Variants in PCDHGA1 observed in about 807,000 individuals in gnomAD.
The protein encoded by PCDHGA1 is protocadherin gamma subfamily A, 1.
Under a neutral mutation model 58.0 loss-of-function variants are expected in PCDHGA1, and 32 were observed. The observed-to-expected ratio is 0.55, with a 90% CI of 0.42 to 0.74. The LOEUF (loss-of-function observed/expected upper bound fraction) is 0.74, where lower values mean the gene tolerates loss of function less well. Ranked by LOEUF, PCDHGA1 falls within the 30% of genes least tolerant of loss-of-function variation. The probability of loss-of-function intolerance (pLI) is 0.00; values close to 1 mark genes in which losing one functional copy is unlikely to be tolerated. For synonymous variants in PCDHGA1, 498 were observed against 501.1 expected (o/e 0.99, Z 0.08); for missense variants, 1,205 against 1,182.3 (o/e 1.02, Z -0.28).
In PCDHGA1 at chr5:141,487,218, C is replaced by G. The variant is rs2099641338; in HGVS notation, c.2422-7589C>G. The stretch of plus-strand genomic sequence containing the variant: ...CCAGATCTTCGAGAATCTTCAGCTC[C>G]AAGGGAAGGAGAATCTCGTCTAACC... On this transcript the variant is annotated intron_variant, in intron 1 of 3. Transcript: ENST00000517417. The surrounding 1 kb of genome is among the most constrained non-coding windows in gnomAD (Gnocchi z 5.0). 1 of 1,613,820 alleles carries G rather than the reference C, an allele frequency of 6.2e-7. No homozygotes were observed. The highest frequency in any genetic ancestry group is 1.1e-5 in the South Asian group (1 of 91,078).
chr5:141,496,795 T>C (rs886559302), intron 2 of PCDHGA1, among the ~76,000 whole-genome samples: 27 of 151,976 alleles, frequency 1.8e-4, no homozygotes, highest in Middle Eastern at 3.4e-3. Flanking sequence ...GTGCTAAACA[T>C]TGGGCTATAG....
chr5:141,423,236 C>G, intron 1 of PCDHGA1: 1 of 1,613,920 alleles, frequency 6.2e-7, no homozygotes, highest in Non-Finnish European at 8.5e-7. Flanking sequence ...GACAGCATCC[C>G]CGAAGTCCTG....
In PCDHGA1 at chr5:141,331,982, C is replaced by A. The variant is rs766020466; in HGVS notation, c.1298C>A (p.Ser433Tyr). The change falls in exon 1 of 4, where the codon TCT becomes TAT. Residue 433 changes from serine (S) to tyrosine (Y), a missense_variant. Physicochemically the swap from Ser to Tyr is moderately radical, Grantham distance 144. Transcript: ENST00000517417. ...TAIDQGTPALSTETHISLLVT... is the reference protein window; with the variant it reads ...TAIDQGTPALYTETHISLLVT... ...ATAGACCAAGGAACTCCAGCTCTAT[C>A]TACTGAAACTCACATTTCACTACTA... 6.2e-7 allele frequency: 1 copy of A among 1,614,144 alleles called. No homozygotes were observed. Among genetic ancestry groups the A allele is most frequent in the Admixed American group, 1.7e-5 (1 of 60,038 alleles).
chr5:141,419,794 T>G, intron 1 of PCDHGA1: 1 of 1,614,048 alleles, frequency 6.2e-7, no homozygotes, highest in Non-Finnish European at 8.5e-7. Flanking sequence ...TGCTAGTCGC[T>G]GTAAGAGATG....
Position 141,423,601 on chromosome 5 carries a change from C to T in PCDHGA1, c.2422-71206C>T, listed in dbSNP as rs372165060. On this transcript the variant is annotated intron_variant, in intron 1 of 3. Transcript: ENST00000517417. The stretch of plus-strand genomic sequence containing the variant: ...GGAGAGCTGTGAGAAAAGCGAGCCA[C>T]TCTTGATAGCTGAAGACTCAGCTAT... The T allele has an allele frequency of 1.9e-6, 3 of 1,612,586 alleles. No homozygotes were observed. Among genetic ancestry groups the T allele is most frequent in the Admixed American group, 1.7e-5 (1 of 59,924 alleles).
intron 1 of PCDHGA1, chr5:141,415,388 G>A (rs752789407): frequency 1.2e-6 from 2 of 1,614,236 alleles, no homozygotes; most frequent in Non-Finnish European, 1.7e-6. Context: ...GGCTTGACAG[G>A]TGTGTCCGGC....
chr5:141,362,549 T>C (rs1762561997), intron 1 of PCDHGA1: 1 of 1,612,502 alleles, frequency 6.2e-7, no homozygotes, highest in Admixed American at 1.7e-5. Context: ...TCAGATACTA[T>C]TTTGAAGGTG....
At chr5:141,427,965 C>G in intron 1 of PCDHGA1, 1 of 1,590,342 alleles carries the variant, frequency 6.3e-7, no homozygotes, top group Non-Finnish European at 8.6e-7. Flanking sequence ...GCCGCGGGTG[C>G]TGTACCCCGC....
At chr5:141,364,373 CTGCCCT>C in intron 1 of PCDHGA1, 1 of 1,572,690 alleles carries the variant, frequency 6.4e-7, no homozygotes, top group South Asian at 1.2e-5. Flanking sequence ...AGAGCTGCTG[CTGCCCT>C]TCATGCTCCT....
chr5:141,431,288 C>T lies in PCDHGA1; in HGVS notation c.2422-63519C>T, dbSNP rs2097358193. ...GAGCTACGAGCTCAGCCCGAACACT[C>T]ACTTCTCCCTCATCGTGCAAAATGG... On this transcript the variant is annotated intron_variant, in intron 1 of 3. Transcript: ENST00000517417. This position sits in a 1 kb window ranked among gnomAD's most constrained non-coding sequence, Gnocchi z 4.8. 1 of 1,614,152 alleles carries T rather than the reference C, an allele frequency of 6.2e-7. No individual in the cohort carries two copies. Among genetic ancestry groups the T allele is most frequent in the East Asian group, 2.2e-5 (1 of 44,890 alleles).
intron 1 of PCDHGA1, among the ~76,000 whole-genome samples, chr5:141,382,170 C>T (rs1056617010): frequency 1.3e-5 from 2 of 151,888 alleles, no homozygotes; most frequent in Non-Finnish European, 2.9e-5. Context: ...GGTGTTAGAC[C>T]GTCTCTAAGG....
At chr5:141,355,948 AG>A (rs1426923204) in intron 1 of PCDHGA1, 2 of 1,613,792 alleles carry the variant, frequency 1.2e-6, no homozygotes, top group Admixed American at 3.3e-5. Context: ...GTACCACGTA[AG>A]TGTTCGTGAG....
chr5:141,427,034 A>G (rs762633589), intron 1 of PCDHGA1: 7 of 457,110 alleles, frequency 1.5e-5, no homozygotes, highest in Non-Finnish European at 2.6e-5. Flanking sequence ...TCAGCCTTAG[A>G]GAGAATGTGC....
intron 1 of PCDHGA1, among the ~76,000 whole-genome samples, chr5:141,482,127 T>C (rs2099553382): frequency 6.6e-6 from 1 of 151,774 alleles, no homozygotes; most frequent in African/African-American, 2.4e-5. Flanking sequence ...GGGAGAATCA[T>C]ATGGCTGGCA....
chr5:141,361,157 A>C, intron 1 of PCDHGA1: 1 of 1,613,974 alleles, frequency 6.2e-7, no homozygotes, highest in African/African-American at 1.3e-5. Context: ...CTTGATGACA[A>C]CGATTGTGCA....
chr5:141,369,203 TG>T (rs1766087260), intron 1 of PCDHGA1, among the ~76,000 whole-genome samples: 1 of 152,170 alleles, frequency 6.6e-6, no homozygotes, highest in Non-Finnish European at 1.5e-5. Context: ...GATGGTAAAC[TG>T]GGGACCAAGG....
intron 1 of PCDHGA1, among the ~76,000 whole-genome samples, chr5:141,473,719 T>C (rs998018115): frequency 6.6e-6 from 1 of 152,124 alleles, no homozygotes; most frequent in African/African-American, 2.4e-5. Context: ...CAATGGAATA[T>C]AGTGAGAGAG....
intron 1 of PCDHGA1, chr5:141,398,054 A>G (rs372627681): frequency 9.0e-5 from 136 of 1,518,912 alleles, no homozygotes; most frequent in Non-Finnish European, 1.0e-4. Context: ...CGGAGATCCA[A>G]AAATCTACAA....
intron 1 of PCDHGA1, chr5:141,423,157 G>T: frequency 1.9e-6 from 3 of 1,610,820 alleles, no homozygotes; most frequent in East Asian, 2.2e-5. Context: ...GCAGAGCCTC[G>T]TGGTGGCCGT....
Sources: gnomAD v4.1 joint callset for allele counts (sites outside exome capture counted in the v4.1 genomes callset) on GRCh38, gnomAD v4.1.1 for gene constraint, Gnocchi (gnomAD v3.1) non-coding constraint, MANE v1.5 for transcripts, NCBI Gene and HGNC (gene_info 2026-07-23, HGNC 2026-07-21) for gene names.